GBE1: variants seen among roughly 807,000 people sequenced by gnomAD.
GBE1 encodes the protein 1,4-alpha-glucan branching enzyme 1.
Under a neutral mutation model 88.8 loss-of-function variants are expected in GBE1, and 70 were observed. That is an observed-to-expected ratio of 0.79 (90% confidence interval 0.65 to 0.96). The LOEUF is 0.96. Among genes scored for constraint, GBE1 ranks in the 40% least tolerant of loss-of-function variants. GBE1 has a pLI of 0.00. For missense variants in GBE1, 872 were observed against 871.0 expected, an observed-to-expected ratio of 1.00 and a Z score of -0.01; for synonymous variants, 284 against 300.1, an observed-to-expected ratio of 0.95 and a Z score of 0.56.
Position 81,673,456 on chromosome 3 carries a change from T to C in GBE1, c.314-2503A>G, listed in dbSNP as rs113264441. On this transcript the variant is annotated intron_variant, in intron 2 of 15. Coordinates refer to ENST00000429644, the MANE Select transcript of GBE1 (RefSeq NM_000158.4). Reference sequence around the variant, plus strand: ...CCAATATAAATGAGAAAATGTACAATGGTGAATCCACTAAAAAATTTATTA... The same window carrying C: ...CCAATATAAATGAGAAAATGTACAACGGTGAATCCACTAAAAAATTTATTA... 3.3e-3 allele frequency among the ~76,000 whole-genome samples: 498 copies of C among 152,018 alleles called. 2 individuals are homozygous for C. The highest frequency in any genetic ancestry group is 0.011 in the African/African-American group (456 of 41,546).
At chr3:81,551,346 A>G (rs779724287) in intron 12 of GBE1, among the ~76,000 whole-genome samples, 15 of 152,168 alleles carry the variant, frequency 9.9e-5, no homozygotes, top group Non-Finnish European at 2.2e-4. Flanking sequence ...GACAAGAGGG[A>G]TCAAAAGAAG....
intron 12 of GBE1, among the ~76,000 whole-genome samples, chr3:81,548,351 C>T (rs927501298): frequency 1.3e-5 from 2 of 151,306 alleles, no homozygotes; most frequent in African/African-American, 4.8e-5. Flanking sequence ...ATTAATAGTA[C>T]ACTAATGTAA....
intron 12 of GBE1, among the ~76,000 whole-genome samples, chr3:81,554,149 A>C (rs1412522227): frequency 6.6e-6 from 1 of 152,164 alleles, no homozygotes; most frequent in Non-Finnish European, 1.5e-5. Flanking sequence ...AAAATACTCT[A>C]TTGGGAGAAA....
chr3:81,710,055 A>C (rs1348880070), intron 1 of GBE1, among the ~76,000 whole-genome samples: 2 of 152,158 alleles, frequency 1.3e-5, no homozygotes, highest in African/African-American at 4.8e-5. Flanking sequence ...TTACATAGGA[A>C]GAGACAGAGG....
intron 7 of GBE1, among the ~76,000 whole-genome samples, chr3:81,614,128 C>T (rs985206162): frequency 6.6e-6 from 1 of 152,092 alleles, no homozygotes; most frequent in African/African-American, 2.4e-5. Context: ...GATCCTCCTG[C>T]CTCAGCCTCC....
intron 14 of GBE1, among the ~76,000 whole-genome samples, chr3:81,502,262 G>A (rs1576122492): frequency 6.6e-6 from 1 of 152,008 alleles, no homozygotes; most frequent in East Asian, 1.9e-4. Flanking sequence ...GCTATACAAG[G>A]ATTCATTTCT....
intron 7 of GBE1, among the ~76,000 whole-genome samples, chr3:81,597,482 A>AT (rs1703974023): frequency 1.0e-4 from 14 of 137,784 alleles, no homozygotes; most frequent in South Asian, 6.8e-4. Flanking sequence ...TATATCTCAA[A>AT]ATATATATAT....
rs1292565978 is a variant in GBE1 at position 81,490,401 on chromosome 3, G to A, written c.*6C>T. On this transcript the variant is annotated 3_prime_UTR_variant, in exon 16 of 16. Transcript: ENST00000429644. ...CTGCATCTGGTGGAGCTGAAATCAG[G>A]CCTCTTCAATTCGGCAGATCCACAT... The A allele has an allele frequency of 1.2e-6, 2 of 1,610,588 alleles. No homozygotes were observed. The highest frequency in any genetic ancestry group is 1.1e-5 in the South Asian group (1 of 90,944).
intron 7 of GBE1, among the ~76,000 whole-genome samples, chr3:81,619,632 TTATGAC>T (rs1284388970): frequency 3.3e-5 from 5 of 152,066 alleles, no homozygotes; most frequent in Non-Finnish European, 5.9e-5. Context: ...AGGCTCAAAA[TTATGAC>T]TATGTGGGAT....
intron 14 of GBE1, among the ~76,000 whole-genome samples, chr3:81,516,788 A>C (rs1453101975): frequency 6.6e-6 from 1 of 151,590 alleles, no homozygotes; most frequent in African/African-American, 2.4e-5. Flanking sequence ...TGAGAAACTC[A>C]AGACTTCAGT....
intron 9 of GBE1, 146 bp downstream of exon 9, chr3:81,590,891 C>A: frequency 1.9e-6 from 1 of 525,558 alleles, no homozygotes; most frequent in Non-Finnish European, 3.2e-6. Context: ...AATGTGCCAC[C>A]CATACAAGAT....
chr3:81,593,231 G>C (rs953977206), intron 8 of GBE1, among the ~76,000 whole-genome samples: 1 of 151,762 alleles, frequency 6.6e-6, no homozygotes, highest in African/African-American at 2.4e-5. Flanking sequence ...CAGGTGTGAT[G>C]ATGGGCACCT....
At chr3:81,688,257 A>G (rs1705467787) in intron 2 of GBE1, among the ~76,000 whole-genome samples, 1 of 152,190 alleles carries the variant, frequency 6.6e-6, no homozygotes, top group Non-Finnish European at 1.5e-5. Context: ...GCACTTACTA[A>G]CTACACTTAA....
At chr3:81,597,673 C>A (rs1202100297) in intron 7 of GBE1, among the ~76,000 whole-genome samples, 1 of 147,552 alleles carries the variant, frequency 6.8e-6, no homozygotes, top group Admixed American at 6.8e-5. Flanking sequence ...AAAACAAAAT[C>A]TGTAATATCC....
chr3:81,515,786 C>G (rs768719250), intron 14 of GBE1, among the ~76,000 whole-genome samples: 3 of 151,566 alleles, frequency 2.0e-5, no homozygotes, highest in Non-Finnish European at 4.4e-5. Context: ...TGAACACCAG[C>G]CTACTGCTGA....
At chr3:81,614,842 C>G (rs1349077995) in intron 7 of GBE1, among the ~76,000 whole-genome samples, 1 of 151,920 alleles carries the variant, frequency 6.6e-6, no homozygotes, top group African/African-American at 2.4e-5. Context: ...GCCTGGGAGA[C>G]AGAGTGACAT....
intron 1 of GBE1, among the ~76,000 whole-genome samples, chr3:81,751,348 C>T (rs1004727756): frequency 1.3e-5 from 2 of 152,166 alleles, no homozygotes; most frequent in Non-Finnish European, 2.9e-5. Context: ...GAAAAGAGCC[C>T]TGGGAAGTTG....
At chr3:81,664,036 G>A (rs565372295) in intron 3 of GBE1, among the ~76,000 whole-genome samples, 6 of 152,016 alleles carry the variant, frequency 3.9e-5, no homozygotes, top group African/African-American at 1.2e-4. Context: ...TATTTTCTCC[G>A]TGCATTTGGT....
At chr3:81,620,991 GAC>G (rs1559665728) in intron 7 of GBE1, among the ~76,000 whole-genome samples, 1 of 152,182 alleles carries the variant, frequency 6.6e-6, no homozygotes, top group Non-Finnish European at 1.5e-5. Flanking sequence ...TCTGCAGGGA[GAC>G]GCTCTCAGCA....
Sources: allele counts gnomAD v4.1 joint callset (sites outside exome capture counted in the v4.1 genomes callset), GRCh38; gene constraint gnomAD v4.1.1; transcripts MANE v1.5; gene names NCBI Gene and HGNC (gene_info 2026-07-23, HGNC 2026-07-21).